The following ZDHHC1 variants were observed in gnomAD, a reference collection of about 807,000 sequenced individuals.
ZDHHC1 encodes the protein zDHHC palmitoyltransferase 1.
ZDHHC1 carries 45 observed loss-of-function variants against 46.9 expected under a neutral mutation model. The ratio of observed to expected loss-of-function variants is 0.96; its 90% CI spans 0.76 to 1.23. ZDHHC1 has a LOEUF of 1.23. Ranked by LOEUF, ZDHHC1 falls within the 50% of genes most tolerant of loss-of-function variation. The pLI is 0.00. For missense variants in ZDHHC1, 649 were observed against 670.8 expected (o/e 0.97, Z 0.36); for synonymous variants, 291 against 286.0 (o/e 1.02, Z -0.18).
Position 67,398,610 on chromosome 16 carries a change from G to T in ZDHHC1, c.777C>A (p.Ala259=), listed in dbSNP as rs767497587. ...GGAAGCAGAGCAGGTGCCCCAGGAG[G>T]GCTGTGGACAGGAGGCCCAGAAGGA... ...LLILLGLLST[A]LLGHLLCFHI... is the part of the protein sequence containing the mutation. The change falls in exon 7 of 12, where the codon GCC becomes GCA. Residue 259 remains alanine (A), a synonymous_variant. Coordinates refer to ENST00000565726, the MANE Select transcript of ZDHHC1 (RefSeq NM_001323627.2). The T allele has an allele frequency of 4.4e-6, 7 of 1,605,962 alleles. No homozygotes were observed. Among genetic ancestry groups the T allele is most frequent in the Non-Finnish European group, 4.2e-6 (5 of 1,177,320 alleles).
chr16:67,405,327 G>A (rs1468228980), intron 3 of ZDHHC1, among the ~76,000 whole-genome samples: 2 of 152,208 alleles, frequency 1.3e-5, no homozygotes. Flanking sequence ...CACAGAGCTG[G>A]CAGGAGCTGC....
intron 1 of ZDHHC1, among the ~76,000 whole-genome samples, chr16:67,409,253 GCTGATACTCCAAATCAGGATACCCC>G (rs1567522338): frequency 3.6e-4 from 55 of 150,816 alleles, no homozygotes; most frequent in South Asian, 1.3e-3. Flanking sequence ...CAGGATACCC[GCTGATACTCCAAATCAGGATACCCC>G]CTGATACTCC....
Position 67,406,477 on chromosome 16 carries a change from C to T in ZDHHC1, c.10-35G>A, listed in dbSNP as rs1344495421. ...GAGAAACAGTAGAGAGAGCATTAGC[C>T]CAAGAAGCTGGGCTGGAGCCCAGGG... On this transcript the variant is annotated intron_variant, in intron 2 of 11. Transcript: ENST00000565726. The surrounding 1 kb of genome is among the most constrained non-coding windows in gnomAD (Gnocchi z 4.1). 3 of 1,467,468 alleles carry T rather than the reference C, an allele frequency of 2.0e-6. No homozygotes were observed. In the East Asian group the frequency reaches 7.3e-5, roughly 36 times the overall value. 90.9% of individuals were successfully genotyped at this position (1,467,468 alleles called of 1,614,324 possible).
In ZDHHC1 at chr16:67,406,055, G is replaced by T; in HGVS notation, c.252+145C>A. ...GAGGCTGGAGACAGGCTGGGAAGCAGCAAGTCCCCAGGACTGGGCCCACCC... is the reference window on the plus strand; with the variant it reads ...GAGGCTGGAGACAGGCTGGGAAGCATCAAGTCCCCAGGACTGGGCCCACCC... On this transcript the variant is annotated intron_variant, in intron 3 of 11. Transcript: ENST00000565726. This position sits in a 1 kb window ranked among gnomAD's most constrained non-coding sequence, Gnocchi z 4.1. 7.9e-7 allele frequency: 1 copy of T among 1,272,874 alleles called. No homozygotes were observed. Among genetic ancestry groups the T allele is most frequent in the Non-Finnish European group, 1.0e-6 (1 of 959,666 alleles). The allele number at this position is 1,272,874 out of a possible 1,614,324, so 78.8% of individuals were successfully genotyped here.
chr16:67,407,190 C>A (rs1456275375), intron 2 of ZDHHC1, among the ~76,000 whole-genome samples: 1 of 152,246 alleles, frequency 6.6e-6, no homozygotes, highest in African/African-American at 2.4e-5. Flanking sequence ...CAACCACCCC[C>A]TCCACCCGCC....
In ZDHHC1 at chr16:67,398,584, T is replaced by C; in HGVS notation, c.803A>G (p.His268Arg). 6.2e-7 allele frequency: 1 copy of C among 1,601,442 alleles called. No individual in the cohort carries two copies. Among genetic ancestry groups the C allele is most frequent in the Non-Finnish European group, 8.5e-7 (1 of 1,175,806 alleles). Reference protein sequence around the residue: ...TALLGHLLCFHIYLMWHKLTT... With the variant: ...TALLGHLLCFRIYLMWHKLTT... ...CAGGAGGCACTTACTGAGATAAATG[T>C]GGAAGCAGAGCAGGTGCCCCAGGAG... The change falls in exon 7 of 12, where the codon CAC becomes CGC. Residue 268 changes from histidine (H) to arginine (R), a missense_variant. His to Arg is a conservative substitution (Grantham distance 29). Coordinates refer to ENST00000565726, the MANE Select transcript of ZDHHC1 (RefSeq NM_001323627.2).
chr16:67,395,089 G>A (rs2040398420), intron 10 of ZDHHC1, 27 bp from the exon 11 acceptor site: 1 of 1,613,148 alleles, frequency 6.2e-7, no homozygotes, highest in Admixed American at 1.7e-5. Context: ...GAGCCTGAGG[G>A]CCCCACATCG....
chr16:67,395,656 G>T, intron 8 of ZDHHC1, 90 bp from the exon 9 acceptor site: 1 of 1,254,424 alleles, frequency 8.0e-7, no homozygotes, highest in Non-Finnish European at 1.1e-6. Context: ...TGCCCTCATT[G>T]GCCTCTGTGG....
intron 1 of ZDHHC1, among the ~76,000 whole-genome samples, chr16:67,409,229 C>CT (rs962140377): frequency 2.0e-5 from 3 of 152,044 alleles, no homozygotes; most frequent in African/African-American, 7.2e-5. Context: ...AGGATACCCC[C>CT]TGATACTCCA....
intron 1 of ZDHHC1, among the ~76,000 whole-genome samples, chr16:67,410,120 A>G (rs1391996465): frequency 6.6e-6 from 1 of 152,176 alleles, no homozygotes; most frequent in African/African-American, 2.4e-5. Flanking sequence ...GAAGAGCCAC[A>G]TGGAGGCAAA....
chr16:67,396,104 TAGC>T (rs1361423827), intron 8 of ZDHHC1: 1 of 154,684 alleles, frequency 6.5e-6, no homozygotes, highest in Non-Finnish European at 1.4e-5. Context: ...AAAGGGAAGG[TAGC>T]AGGTGGTGGA....
At chr16:67,411,532 C>T (rs371744092) in intron 1 of ZDHHC1, among the ~76,000 whole-genome samples, 43 of 152,266 alleles carry the variant, frequency 2.8e-4, no homozygotes, top group African/African-American at 9.4e-4. Context: ...TTGGCAATAT[C>T]CAAGTCTGGC....
Position 67,394,255 on chromosome 16 carries a change from C to T in ZDHHC1, c.*355G>A, listed in dbSNP as rs1054520216. 6.6e-6 allele frequency among the ~76,000 whole-genome samples: 1 copy of T among 152,214 alleles called. No individual in the cohort carries two copies. Among genetic ancestry groups the T allele is most frequent in the African/African-American group, 2.4e-5 (1 of 41,456 alleles). ...AGAAAAATAACCTCCTCCAGGCCGC[C>T]TTCTAAGGCCTTTCCTAACCACGAG... On this transcript the variant is annotated 3_prime_UTR_variant, in exon 12 of 12. Transcript: ENST00000565726.
chr16:67,400,929 G>A, intron 4 of ZDHHC1, 28 bp downstream of exon 4: 1 of 1,607,582 alleles, frequency 6.2e-7, no homozygotes, highest in Non-Finnish European at 8.5e-7. Flanking sequence ...AGCACACTCG[G>A]CAGCCACAAG....
Position 67,394,660 on chromosome 16 carries a change from T to G in ZDHHC1, c.1399A>C (p.Ser467Arg). ...CCCGGCGCCCTGGGCTCGCCGCTGCTCGGGCTCACGAAAACGGCGGGCGCA... is the reference window on the plus strand; with the variant it reads ...CCCGGCGCCCTGGGCTCGCCGCTGCGCGGGCTCACGAAAACGGCGGGCGCA... Reference protein sequence around the residue: ...ARAPAVFVSPSSGEPRAPGGR... With the variant: ...ARAPAVFVSPRSGEPRAPGGR... Residue 467 changes from serine to arginine, a missense_variant, in exon 12 of 12, where the codon AGC (serine) becomes CGC (arginine). Physicochemically the swap from Ser to Arg is moderately radical, Grantham distance 110. Transcript: ENST00000565726. The G allele has an allele frequency of 8.0e-7, 1 of 1,243,572 alleles. No homozygotes were observed. Among genetic ancestry groups the G allele is most frequent in the East Asian group, 3.5e-5 (1 of 28,716 alleles). The allele number at this position is 1,243,572 out of a possible 1,614,324, so 77.0% of individuals were successfully genotyped here. A position where few individuals can be genotyped will look rare whatever the true frequency, so the allele number is the denominator to read the frequency against.
At chr16:67,412,297 T>C (rs936778890) in intron 1 of ZDHHC1, among the ~76,000 whole-genome samples, 8 of 151,664 alleles carry the variant, frequency 5.3e-5, no homozygotes, top group Non-Finnish European at 1.5e-5. Flanking sequence ...TGTTCAAATA[T>C]ATATATATTT....
chr16:67,394,653 C>T lies in ZDHHC1; in HGVS notation c.1406G>A (p.Gly469Asp). The change falls in exon 12 of 12, where the codon GGC becomes GAC. Residue 469 changes from glycine to aspartate, a missense_variant. Coordinates refer to ENST00000565726, the MANE Select transcript of ZDHHC1 (RefSeq NM_001323627.2). ...APAVFVSPSS[G>D]EPRAPGGREA... ...CCGGCCGCCCGGCGCCCTGGGCTCG[C>T]CGCTGCTCGGGCTCACGAAAACGGC... is the stretch of plus-strand genomic sequence containing the variant. The T allele has an allele frequency of 8.1e-7, 1 of 1,231,590 alleles. No homozygotes were observed. The highest frequency in any genetic ancestry group is 1.0e-6 in the Non-Finnish European group (1 of 988,552). The allele number at this position is 1,231,590 out of a possible 1,614,324, so 76.3% of individuals were successfully genotyped here. A position where few individuals can be genotyped will look rare whatever the true frequency, so the allele number is the denominator to read the frequency against.
Position 67,413,926 on chromosome 16 carries a change from G to A in ZDHHC1, c.-39+2245C>T, listed in dbSNP as rs189527310. Among the ~76,000 whole-genome samples, 719 of 138,380 alleles carry A rather than the reference G, an allele frequency of 5.2e-3. 1 individual carries two copies. The highest frequency in any genetic ancestry group is 0.014 in the Middle Eastern group (3 of 220). 90.8% of individuals were successfully genotyped at this position (138,380 alleles called of 152,430 possible). ...TGCACTCCAGACTGGGCAACAGAGC[G>A]AGACTCCGTCTCAAAAAAAAAAAAA... On this transcript the variant is annotated intron_variant, in intron 1 of 11. Coordinates refer to ENST00000565726, the MANE Select transcript of ZDHHC1 (RefSeq NM_001323627.2).
chr16:67,409,815 C>T (rs2040721250), intron 1 of ZDHHC1, among the ~76,000 whole-genome samples: 1 of 152,212 alleles, frequency 6.6e-6, no homozygotes, highest in Admixed American at 6.5e-5. Context: ...GCCCAGCCTG[C>T]GCACTTAGGA....
Sources: allele counts gnomAD v4.1 joint callset (sites outside exome capture counted in the v4.1 genomes callset), GRCh38; gene constraint gnomAD v4.1.1; non-coding constraint Gnocchi (gnomAD v3.1); transcripts MANE v1.5; gene names NCBI Gene and HGNC (gene_info 2026-07-23, HGNC 2026-07-21).